CELF4: variants seen among roughly 807,000 people sequenced by gnomAD.
The protein encoded by CELF4 is CUG-BP- and ETR-3-like factor 4.
A neutral mutation model predicts 59.9 loss-of-function variants in CELF4; 18 were observed. The ratio of observed to expected loss-of-function variants is 0.30; its 90% CI spans 0.21 to 0.45. The LOEUF (loss-of-function observed/expected upper bound fraction) is 0.45, where lower values mean the gene tolerates loss of function less well. CELF4 is among the 20% of genes least tolerant of loss of function. The probability of loss-of-function intolerance (pLI) is 1.00; values close to 1 mark genes in which losing one functional copy is unlikely to be tolerated. For synonymous variants in CELF4, 261 were observed against 267.1 expected, an observed-to-expected ratio of 0.98 and a Z score of 0.22; for missense variants, 456 against 689.0, an observed-to-expected ratio of 0.66 and a Z score of 3.79.
intron 2 of CELF4, among the ~76,000 whole-genome samples, chr18:37,439,417 A>G (rs1382777010): frequency 6.6e-6 from 1 of 151,976 alleles, no homozygotes; most frequent in Non-Finnish European, 1.5e-5. Context: ...GCATGCATGC[A>G]TGTGTGTGTG....
At position 37,254,990 on chromosome 18, in the gene CELF4, A is replaced by G. The variant is rs978503761; in HGVS notation, c.1334-1052T>C. On this transcript the variant is annotated intron_variant, in intron 11 of 12. Coordinates refer to ENST00000420428, the MANE Select transcript of CELF4 (RefSeq NM_020180.4). The surrounding 1 kb of genome is among the most constrained non-coding windows in gnomAD (Gnocchi z 5.1). ...GGCCAGTGCAGCATATCAACAAATA[A>G]CGTCCCCTCCCTCACCGAGTTGTAG... Among the ~76,000 whole-genome samples, 4 of 152,108 alleles carry G rather than the reference A, an allele frequency of 2.6e-5. No homozygotes were observed. The highest frequency in any genetic ancestry group is 2.0e-4 in the Admixed American group (3 of 15,274).
rs117416661 is a variant in CELF4, at chr18:37,423,713, C to T, written c.369+61812G>A. The stretch of plus-strand genomic sequence containing the variant: ...GGCCATCACCTCACTCATCCCTAAG[C>T]CCTCTAGGAAAGGGGAGGAAGCCTC... On this transcript the variant is annotated intron_variant, in intron 2 of 12. Coordinates refer to ENST00000420428, the MANE Select transcript of CELF4 (RefSeq NM_020180.4). Among the ~76,000 whole-genome samples, 26 of 152,256 alleles carry T rather than the reference C, an allele frequency of 1.7e-4. No homozygotes were observed. The East Asian group carries it at 4.5e-3, about 26-fold the overall frequency.
chr18:37,377,608 G>A (rs1187458034), intron 2 of CELF4, among the ~76,000 whole-genome samples: 1 of 152,234 alleles, frequency 6.6e-6, no homozygotes, highest in African/African-American at 2.4e-5. Context: ...TGGAGAACAT[G>A]AAATGAATGC....
rs904159970 is a variant in CELF4, at chr18:37,352,593, T to TA, written c.370-30713dup. On this transcript the variant is annotated intron_variant, in intron 2 of 12. Coordinates refer to ENST00000420428, the MANE Select transcript of CELF4 (RefSeq NM_020180.4). ...GAACCACAGAATGAGACCCTGCCTCTAAAAAAAAAAATTAAAAATAAAAAA... is the reference window on the plus strand; with the variant it reads ...GAACCACAGAATGAGACCCTGCCTCTAAAAAAAAAAAATTAAAAATAAAAAA... 4.6e-3 allele frequency among the ~76,000 whole-genome samples: 668 copies of TA among 146,082 alleles called. 7 individuals carry two copies. The highest frequency in any genetic ancestry group is 0.023 in the East Asian group (116 of 5,032).
chr18:37,352,973 G>T (rs2098474613), intron 2 of CELF4, among the ~76,000 whole-genome samples: 1 of 152,094 alleles, frequency 6.6e-6, no homozygotes, highest in African/African-American at 2.4e-5. Context: ...TGTAATCCCA[G>T]CACTTTGGGA....
rs73947241 is a variant in CELF4, at chr18:37,473,002, G to A, written c.369+12523C>T. 6.5e-3 allele frequency among the ~76,000 whole-genome samples: 989 copies of A among 152,122 alleles called. 15 individuals are homozygous for A. Among genetic ancestry groups the A allele is most frequent in the African/African-American group, 0.022 (921 of 41,492 alleles). On this transcript the variant is annotated intron_variant, in intron 2 of 12. Coordinates refer to ENST00000420428, the MANE Select transcript of CELF4 (RefSeq NM_020180.4). ...ACCTGCATCAACCCCCGAACCCTGC[G>A]ACTCAGCCTGCTTGAACATGTCTGT...
intron 9 of CELF4, chr18:37,266,303 G>A (rs548571195): frequency 1.0e-5 from 6 of 600,454 alleles, no homozygotes; most frequent in African/African-American, 7.4e-5. Context: ...CTTCCACCTG[G>A]CCTGCCCACT....
intron 1 of CELF4, among the ~76,000 whole-genome samples, chr18:37,509,337 G>A (rs905193162): frequency 6.6e-6 from 1 of 152,228 alleles, no homozygotes; most frequent in Non-Finnish European, 1.5e-5. Flanking sequence ...CAGGCACTGG[G>A]TGCCCTACCC....
chr18:37,524,172 ATC>A (rs2099960842), intron 1 of CELF4, among the ~76,000 whole-genome samples: 1 of 152,198 alleles, frequency 6.6e-6, no homozygotes, highest in Admixed American at 6.5e-5. Context: ...AATGAGTCAT[ATC>A]TGGTTGGAGA....
intron 2 of CELF4, among the ~76,000 whole-genome samples, chr18:37,462,240 C>T (rs771798712): frequency 6.6e-6 from 1 of 152,148 alleles, no homozygotes; most frequent in African/African-American, 2.4e-5. Flanking sequence ...CTGGAGGTCT[C>T]GAGCAGGGAA....
intron 1 of CELF4, among the ~76,000 whole-genome samples, chr18:37,523,547 A>G (rs1340186505): frequency 6.6e-6 from 1 of 152,172 alleles, no homozygotes; most frequent in Non-Finnish European, 1.5e-5. Flanking sequence ...TGCTGGGAGA[A>G]CAGGCGGCAA....
intron 2 of CELF4, among the ~76,000 whole-genome samples, chr18:37,434,634 C>A (rs1330158186): frequency 6.6e-6 from 1 of 152,142 alleles, no homozygotes; most frequent in Admixed American, 6.5e-5. Flanking sequence ...TGAGCAGCTG[C>A]ACCAGGAACC....
At chr18:37,353,856 C>T (rs541650617) in intron 2 of CELF4, among the ~76,000 whole-genome samples, 1 of 151,380 alleles carries the variant, frequency 6.6e-6, no homozygotes, top group African/African-American at 2.4e-5. Context: ...TCCTGGGTTC[C>T]CGCCATCCTC....
chr18:37,324,547 A>G (rs558500654), intron 2 of CELF4, among the ~76,000 whole-genome samples: 24 of 152,300 alleles, frequency 1.6e-4, no homozygotes, highest in African/African-American at 5.8e-4. Context: ...TGTTTAAGCC[A>G]CCTGGTCTGT....
intron 6 of CELF4, chr18:37,274,009 T>G (rs567085725): frequency 8.2e-7 from 1 of 1,223,340 alleles, no homozygotes; most frequent in South Asian, 2.1e-5. Flanking sequence ...GGGTTCAACG[T>G]TGATCTGGCT....
In CELF4 at chr18:37,471,067, T is replaced by C. The variant is rs140171593; in HGVS notation, c.369+14458A>G. ...CTTTCTCATTCAGGTGCAACAAGTG[T>C]TCAAGTGGTCAGGGCAATGCCCTCA... On this transcript the variant is annotated intron_variant, in intron 2 of 12. Transcript: ENST00000420428. Among the ~76,000 whole-genome samples, 465 of 152,142 alleles carry C rather than the reference T, an allele frequency of 3.1e-3. 2 individuals carry two copies. Among genetic ancestry groups the C allele is most frequent in the Middle Eastern group, 0.014 (4 of 294 alleles).
chr18:37,320,864 C>T (rs951119594), intron 3 of CELF4, among the ~76,000 whole-genome samples: 1 of 152,126 alleles, frequency 6.6e-6, no homozygotes, highest in African/African-American at 2.4e-5. Context: ...TTCTCTCCCA[C>T]AGGTGAGGTG....
intron 2 of CELF4, among the ~76,000 whole-genome samples, chr18:37,382,897 GA>G (rs1286225511): frequency 7.2e-5 from 11 of 152,066 alleles, no homozygotes; most frequent in Non-Finnish European, 2.9e-5. Context: ...CCTGACCCTG[GA>G]TAGAGTGTGG....
chr18:37,421,698 A>G (rs762360798), intron 2 of CELF4, among the ~76,000 whole-genome samples: 7 of 152,254 alleles, frequency 4.6e-5, no homozygotes, highest in Non-Finnish European at 1.0e-4. Context: ...TCGGAGGCTC[A>G]GGCTTGAGGG....
Sources: allele counts gnomAD v4.1 joint callset (sites outside exome capture counted in the v4.1 genomes callset), GRCh38; gene constraint gnomAD v4.1.1; non-coding constraint Gnocchi (gnomAD v3.1); transcripts MANE v1.5; gene names NCBI Gene and HGNC (gene_info 2026-07-23, HGNC 2026-07-21).